ATP12A: variants seen among roughly 807,000 people sequenced by gnomAD.
ATP12A encodes potassium-transporting ATPase alpha chain 2.
ATP12A carries 81 observed loss-of-function variants against 111.2 expected under a neutral mutation model. The ratio of observed to expected loss-of-function variants is 0.73; its 90% CI spans 0.61 to 0.88. The LOEUF (loss-of-function observed/expected upper bound fraction) is 0.88. Among genes scored for constraint, ATP12A ranks in the 40% least tolerant of loss-of-function variants. ATP12A has a pLI of 0.00. For synonymous variants in ATP12A, 498 were observed against 499.8 expected (o/e 1.00, Z 0.05); for missense variants, 1,196 against 1,313.1 (o/e 0.91, Z 1.38).
Position 24,702,091 on chromosome 13 carries a change from AG to A in ATP12A, c.2018+21del. ...CAAACGGTAAGCACAGGAGCAGCAT[AG>A]TAAAAATTCCAGTTTATACCCATGG... On this transcript the variant is annotated intron_variant, in intron 14 of 22. Transcript: ENST00000381946. 6.2e-7 allele frequency: 1 copy of A among 1,614,094 alleles called. No individual in the cohort carries two copies. Among genetic ancestry groups the A allele is most frequent in the Non-Finnish European group, 8.5e-7 (1 of 1,179,956 alleles).
intron 12 of ATP12A, among the ~76,000 whole-genome samples, chr13:24,700,045 C>G (rs1455345740): frequency 6.6e-6 from 1 of 152,212 alleles, no homozygotes; most frequent in Non-Finnish European, 1.5e-5. Context: ...TTGACATTTG[C>G]AAAGCAGTGG....
chr13:24,694,509 T>G lies in ATP12A; in HGVS notation c.1443T>G (p.Asp481Glu). 1 of 1,614,202 alleles carries G rather than the reference T, an allele frequency of 6.2e-7. No individual in the cohort carries two copies. Among genetic ancestry groups the G allele is most frequent in the East Asian group, 2.2e-5 (1 of 44,886 alleles). Residue 481 changes from aspartate (D) to glutamate (E), a missense_variant, in exon 11 of 23, where the codon GAT becomes GAG. By Grantham distance (45) the Asp-to-Glu change is conservative (BLOSUM62 2). Around this residue, in one of 3 missense-constraint regions of ATP12A, gnomAD observed 1,126 missense variants for 1,228.5 expected, o/e 0.92. Transcript: ENST00000381946. ...AATTCTCAGAGGTCATTTTGGGTGA[T>G]GTGATGGAAATTAGAAAAAGAAACC... ...LLKFSEVILG[D>E]VMEIRKRNRK...
At chr13:24,708,938 A>AAAGAAAGGAAGG (rs1566078270) in intron 17 of ATP12A, among the ~76,000 whole-genome samples, 1 of 123,416 alleles carries the variant, frequency 8.1e-6, no homozygotes, top group African/African-American at 2.9e-5. Flanking sequence ...AGAAAGAAAG[A>AAAGAAAGGAAGG]AAGAAAGAAA....
intron 8 of ATP12A, among the ~76,000 whole-genome samples, chr13:24,692,078 C>A (rs1161874654): frequency 6.6e-6 from 1 of 152,214 alleles, no homozygotes; most frequent in Admixed American, 6.5e-5. Context: ...GTCAGTCTCT[C>A]TTACACACTC....
At position 24,690,620 on chromosome 13, in the gene ATP12A, T is replaced by C. The variant is rs1373279371; in HGVS notation, c.698T>C (p.Leu233Pro). 6.2e-7 allele frequency: 1 copy of C among 1,612,530 alleles called. No individual in the cohort carries two copies. The highest frequency in any genetic ancestry group is 1.3e-5 in the African/African-American group (1 of 74,886). The change falls in exon 7 of 23, where the codon CTC (leucine) becomes CCC (proline). Residue 233 changes from leucine to proline, a missense_variant. By Grantham distance (98) the Leu-to-Pro change is moderately conservative (BLOSUM62 -3). Transcript: ENST00000381946. ...TTCTTCTAGGTGGATAACTCATCTC[T>C]CACGGGGGAGTCTGAGCCCCAGCCC... is the stretch of plus-strand genomic sequence containing the variant. The part of the protein sequence containing the change: ...SQGCRVDNSS[L>P]TGESEPQPRS...
rs1380799958 is a variant in ATP12A, at chr13:24,681,636, G to A, written c.84G>A (p.Lys28=). The stretch of plus-strand genomic sequence containing the variant: ...TGAAAACAGACAAGGGGGATGGCAA[G>A]GAGAAGTATAGGGGTCTGAAGAACA... ...DIVKTDKGDG[K]EKYRGLKNNC... is the part of the protein sequence containing the mutation. Residue 28 remains lysine, a synonymous_variant, in exon 2 of 23, where the codon AAG becomes AAA. Coordinates refer to ENST00000381946, the MANE Select transcript of ATP12A (RefSeq NM_001676.7). 2 of 1,614,230 alleles carry A rather than the reference G, an allele frequency of 1.2e-6. No individual in the cohort carries two copies. Among genetic ancestry groups the A allele is most frequent in the Non-Finnish European group, 1.7e-6 (2 of 1,180,040 alleles).
In ATP12A at chr13:24,701,918, CGTT is replaced by C; in HGVS notation, c.1882-14_1882-12del. ...GTTCTTCATTACCCGTGGGCCTTCT[CGTT>C]GTCTTTGCTCTAGGTTATTATGGTT... On this transcript the variant is annotated splice_polypyrimidine_tract_variant and intron_variant, in intron 13 of 22. Coordinates refer to ENST00000381946, the MANE Select transcript of ATP12A (RefSeq NM_001676.7). 1.2e-6 allele frequency: 2 copies of C among 1,614,140 alleles called. No homozygotes were observed. Among genetic ancestry groups the C allele is most frequent in the Non-Finnish European group, 1.7e-6 (2 of 1,180,012 alleles).
In ATP12A at chr13:24,691,017, C is replaced by G; in HGVS notation, c.835C>G (p.Arg279Gly). 6.2e-7 allele frequency: 1 copy of G among 1,614,150 alleles called. No individual in the cohort carries two copies. The highest frequency in any genetic ancestry group is 8.5e-7 in the Non-Finnish European group (1 of 1,180,024). ...CGGCATGGTTATCAACACGGGTGAC[C>G]GCACCATCATTGGCCATATTGCCTC... is the stretch of plus-strand genomic sequence containing the variant. Reference protein sequence around the residue: ...VTGMVINTGDRTIIGHIASLA... With the variant: ...VTGMVINTGDGTIIGHIASLA... The change falls in exon 8 of 23, where the codon CGC becomes GGC. Residue 279 changes from arginine (R) to glycine (G), a missense_variant. By Grantham distance (125) the Arg-to-Gly change is moderately radical. Around this residue, in one of 3 missense-constraint regions of ATP12A, gnomAD observed 1,126 missense variants for 1,228.5 expected, o/e 0.92. Coordinates refer to ENST00000381946, the MANE Select transcript of ATP12A (RefSeq NM_001676.7).
chr13:24,681,689 A>G lies in ATP12A; in HGVS notation c.137A>G (p.His46Arg), dbSNP rs755487496. Reference sequence around the variant, plus strand: ...TGCCTGGAACTCAAAAAGAAAAATCACAAAGAGGAGTTTCAGAAAGAACTC... The same window carrying G: ...TGCCTGGAACTCAAAAAGAAAAATCGCAAAGAGGAGTTTCAGAAAGAACTC... ...NNCLELKKKN[H>R]KEEFQKELHL... The change falls in exon 2 of 23, where the codon CAC becomes CGC. Residue 46 changes from histidine (H) to arginine (R), a missense_variant. This residue lies in a region of ATP12A where 67 missense variants were observed against 64.0 expected (regional missense o/e 1.05). Transcript: ENST00000381946. 1 of 1,614,222 alleles carries G rather than the reference A, an allele frequency of 6.2e-7. No individual in the cohort carries two copies. The highest frequency in any genetic ancestry group is 8.5e-7 in the Non-Finnish European group (1 of 1,180,040).
At chr13:24,690,953 C>A in intron 7 of ATP12A, 29 bp from the exon 8 acceptor site, 3 of 1,612,042 alleles carry the variant, frequency 1.9e-6, no homozygotes, top group Non-Finnish European at 2.5e-6. Context: ...CTGAGGACCC[C>A]TGGAATAAAG....
chr13:24,709,307 A>G, intron 17 of ATP12A, 57 bp from the exon 18 acceptor site: 1 of 421,300 alleles, frequency 2.4e-6, no homozygotes, highest in Non-Finnish European at 3.1e-6. Flanking sequence ...CCCCTCCCCT[A>G]CTGTGGGTAG....
rs1349329141 is a variant in ATP12A at position 24,681,590 on chromosome 13, T to C, written c.38T>C (p.Leu13Pro). The change falls in exon 2 of 23, where the codon CTC (leucine) becomes CCC (proline). Residue 13 changes from leucine to proline, a missense_variant. Leu to Pro is a moderately conservative substitution (Grantham distance 98). This residue lies in a region of ATP12A where 67 missense variants were observed against 64.0 expected (regional missense o/e 1.05). Coordinates refer to ENST00000381946, the MANE Select transcript of ATP12A (RefSeq NM_001676.7). ...QKTPEIYSVELSGTKDIVKTD... is the reference protein window; with the variant it reads ...QKTPEIYSVEPSGTKDIVKTD... Reference sequence around the variant, plus strand: ...ACCCCAGAAATTTACTCCGTGGAGCTCAGCGGAACTAAGGACATCGTGAAA... The same window carrying C: ...ACCCCAGAAATTTACTCCGTGGAGCCCAGCGGAACTAAGGACATCGTGAAA... 1 of 1,613,872 alleles carries C rather than the reference T, an allele frequency of 6.2e-7. No homozygotes were observed. The highest frequency in any genetic ancestry group is 1.1e-5 in the South Asian group (1 of 90,996).
rs75773837 is a variant in ATP12A, at chr13:24,681,411, A to G, written c.10-151A>G. ...CGGCGGGAGGTGGGGGAGAGACTCC[A>G]CTGTCCGACTCCCTCCGGCCTCCCC... On this transcript the variant is annotated intron_variant, in intron 1 of 22. Transcript: ENST00000381946. The G allele has an allele frequency of 3.1e-3, 2,857 of 917,324 alleles. 102 individuals carry two copies. The East Asian group carries it at 0.066, about 21-fold the overall frequency. The allele number at this position is 917,324 out of a possible 1,614,324, so 56.8% of individuals were successfully genotyped here.
rs770585820 is a variant in ATP12A, at chr13:24,706,387, C to A, written c.2093C>A (p.Ala698Asp). ...MSSEQLDEIL[A>D]NYQEIVFART... ...TCAGAACAGCTGGATGAGATCTTAGCCAACTACCAGGAGATTGTCTTTGCC... is the reference window on the plus strand; with the variant it reads ...TCAGAACAGCTGGATGAGATCTTAGACAACTACCAGGAGATTGTCTTTGCC... The change falls in exon 15 of 23, where the codon GCC becomes GAC. Residue 698 changes from alanine (A) to aspartate (D), a missense_variant. Physicochemically the swap from Ala to Asp is moderately radical, Grantham distance 126 (BLOSUM62 -2). Transcript: ENST00000381946. The A allele has an allele frequency of 6.2e-7, 1 of 1,614,236 alleles. No homozygotes were observed. The highest frequency in any genetic ancestry group is 1.7e-5 in the Admixed American group (1 of 60,024).
In ATP12A at chr13:24,701,958, T is replaced by A; in HGVS notation, c.1905T>A (p.His635Gln). The A allele has an allele frequency of 6.2e-7, 1 of 1,614,226 alleles. No homozygotes were observed. Among genetic ancestry groups the A allele is most frequent in the Non-Finnish European group, 8.5e-7 (1 of 1,180,040 alleles). ...AGGTTATTATGGTTACTGGTGATCA[T>A]CCCATCACAGCCAAAGCTATTGCCA... ...GIKVIMVTGD[H>Q]PITAKAIAKS... The change falls in exon 14 of 23, where the codon CAT becomes CAA. Residue 635 changes from histidine to glutamine, a missense_variant. His to Gln is a conservative substitution (Grantham distance 24). Transcript: ENST00000381946.
chr13:24,691,515 G>C (rs1390081216), intron 8 of ATP12A, among the ~76,000 whole-genome samples: 1 of 152,158 alleles, frequency 6.6e-6, no homozygotes. Context: ...ATAAGATCTA[G>C]ATAAGACAGA....
At chr13:24,681,780 C>T in intron 2 of ATP12A, 60 bp downstream of exon 2, 1 of 1,592,276 alleles carries the variant, frequency 6.3e-7, no homozygotes, top group Non-Finnish European at 8.6e-7. Context: ...AAGAGCTTGC[C>T]CCTAGAACCC....
intron 8 of ATP12A, 21 bp downstream of exon 8, chr13:24,691,271 A>C (rs768333730): frequency 6.3e-7 from 1 of 1,596,644 alleles, no homozygotes; most frequent in African/African-American, 1.3e-5. Flanking sequence ...GCTGTTAGAC[A>C]GCCTGCACCT....
At chr13:24,708,903 A>AAGAAAGAAAGAAAG (rs2137722719) in intron 17 of ATP12A, among the ~76,000 whole-genome samples, 1 of 70,020 alleles carries the variant, frequency 1.4e-5, no homozygotes, top group East Asian at 4.1e-4. Flanking sequence ...AAAGAAAGGA[A>AAGAAAGAAAGAAAG]AGAAAGAAAG....
Sources: gnomAD v4.1 joint callset for allele counts (sites outside exome capture counted in the v4.1 genomes callset) on GRCh38, gnomAD v4.1.1 for gene constraint, gnomAD v4.1.1 regional missense constraint, MANE v1.5 for transcripts, NCBI Gene and HGNC (gene_info 2026-07-23, HGNC 2026-07-21) for gene names.